Variants in SH3RF2 observed in about 807,000 individuals in gnomAD.
SH3RF2 encodes the protein SH3 domain containing ring finger 2, also known as E3 ubiquitin-protein ligase SH3RF2.
In SH3RF2, 43 loss-of-function variants were observed where a neutral mutation model predicts 59.0. The observed-to-expected ratio is 0.73, with a 90% CI of 0.57 to 0.94. The LOEUF (loss-of-function observed/expected upper bound fraction) is 0.94. SH3RF2 is among the 40% of genes least tolerant of loss of function. The pLI, the probability that SH3RF2 is intolerant of heterozygous loss-of-function variation, is 0.00. For synonymous variants in SH3RF2, 391 were observed against 391.5 expected (o/e 1.00, Z 0.01); for missense variants, 930 against 940.1 (o/e 0.99, Z 0.14).
intron 9 of SH3RF2, among the ~76,000 whole-genome samples, chr5:146,078,215 T>C (rs1763371596): frequency 6.6e-6 from 1 of 152,174 alleles, no homozygotes; most frequent in African/African-American, 2.4e-5. Context: ...TATTAGTCAC[T>C]GAAGGAAAAA....
intron 2 of SH3RF2, among the ~76,000 whole-genome samples, chr5:145,976,377 A>G (rs1242334847): frequency 6.6e-6 from 1 of 151,890 alleles, no homozygotes; most frequent in African/African-American, 2.4e-5. Context: ...CCAGTTCTGG[A>G]CCCACAACAA....
At chr5:145,987,338 C>T (rs1002785936) in intron 2 of SH3RF2, among the ~76,000 whole-genome samples, 9 of 152,122 alleles carry the variant, frequency 5.9e-5, no homozygotes, top group African/African-American at 2.2e-4. Context: ...TTTTATCCCT[C>T]GCACCCTTCC....
intron 5 of SH3RF2, among the ~76,000 whole-genome samples, chr5:146,023,503 C>G (rs1298201484): frequency 6.6e-6 from 1 of 152,238 alleles, no homozygotes; most frequent in African/African-American, 2.4e-5. Context: ...GCCACTGAGG[C>G]TGGCCTCCCC....
At chr5:145,962,556 T>C (rs1463630732) in intron 2 of SH3RF2, among the ~76,000 whole-genome samples, 1 of 152,182 alleles carries the variant, frequency 6.6e-6, no homozygotes, top group Admixed American at 6.5e-5. Flanking sequence ...ATCTTCTCAG[T>C]TGGTCTCTGA....
chr5:145,981,137 C>T (rs1349651935), intron 2 of SH3RF2, among the ~76,000 whole-genome samples: 4 of 152,012 alleles, frequency 2.6e-5, no homozygotes, highest in East Asian at 3.9e-4. Flanking sequence ...CTTTGTCACC[C>T]AGGCTGGAGT....
chr5:146,022,916 C>T (rs1761385698), intron 5 of SH3RF2, among the ~76,000 whole-genome samples: 2 of 82,996 alleles, frequency 2.4e-5, no homozygotes, highest in African/African-American at 3.4e-5. Flanking sequence ...CACACACACA[C>T]ACACACAATT....
At chr5:145,980,000 A>G (rs977500347) in intron 2 of SH3RF2, among the ~76,000 whole-genome samples, 9 of 152,216 alleles carry the variant, frequency 5.9e-5, no homozygotes, top group African/African-American at 1.2e-4. Context: ...CATTAGCCCA[A>G]TGCTCAGCAC....
intron 2 of SH3RF2, among the ~76,000 whole-genome samples, chr5:145,979,082 G>A (rs1759410979): frequency 1.3e-5 from 2 of 152,122 alleles, no homozygotes; most frequent in African/African-American, 4.8e-5. Context: ...TTAAAGTCCT[G>A]GCCCTAAGTA....
intron 9 of SH3RF2, among the ~76,000 whole-genome samples, chr5:146,071,933 G>A (rs766279625): frequency 1.2e-4 from 18 of 152,180 alleles, no homozygotes; most frequent in Non-Finnish European, 2.4e-4. Flanking sequence ...CCATTTATTG[G>A]ATGTAGAGGC....
intron 5 of SH3RF2, 87 bp downstream of exon 5, chr5:146,014,148 C>T (rs1761020808): frequency 7.0e-7 from 1 of 1,418,734 alleles, no homozygotes; most frequent in East Asian, 2.3e-5. Context: ...ATGTTTAGTA[C>T]TTGCTAAGCA....
chr5:145,982,297 T>C (rs1417183667), intron 2 of SH3RF2, among the ~76,000 whole-genome samples: 1 of 152,232 alleles, frequency 6.6e-6, no homozygotes, highest in Non-Finnish European at 1.5e-5. Flanking sequence ...AAGATGCAGG[T>C]GCTCCTGGAG....
chr5:145,944,900 C>T (rs1413186053), intron 2 of SH3RF2, among the ~76,000 whole-genome samples: 1 of 152,036 alleles, frequency 6.6e-6, no homozygotes, highest in African/African-American at 2.4e-5. Flanking sequence ...CTATTGCCAC[C>T]CTCTGCAGTA....
intron 4 of SH3RF2, among the ~76,000 whole-genome samples, chr5:146,010,649 ATG>A (rs1490414868): frequency 1.3e-5 from 2 of 151,996 alleles, no homozygotes; most frequent in African/African-American, 4.8e-5. Context: ...GCATTTTTTC[ATG>A]TGTCTTTTTG....
intron 2 of SH3RF2, among the ~76,000 whole-genome samples, chr5:145,947,091 T>C (rs997759021): frequency 1.5e-4 from 22 of 151,460 alleles, no homozygotes; most frequent in African/African-American, 4.4e-4. Context: ...TCAGAACTTT[T>C]TCATCACCCC....
At chr5:145,995,453 C>T (rs1022766564) in intron 2 of SH3RF2, among the ~76,000 whole-genome samples, 4 of 152,178 alleles carry the variant, frequency 2.6e-5, no homozygotes, top group Non-Finnish European at 5.9e-5. Context: ...GAAACCCATT[C>T]TCATCCAGCT....
intron 7 of SH3RF2, among the ~76,000 whole-genome samples, chr5:146,049,737 C>T (rs530747265): frequency 1.7e-4 from 26 of 152,224 alleles, no homozygotes; most frequent in African/African-American, 6.3e-4. Flanking sequence ...ACCCCTACCT[C>T]TTCCTCCACA....
chr5:146,002,535 A>T (rs7702754), intron 3 of SH3RF2, among the ~76,000 whole-genome samples: 27 of 143,362 alleles, frequency 1.9e-4, no homozygotes, highest in Middle Eastern at 3.6e-3. Context: ...GAAGGAAGGA[A>T]GGATAACCTA....
At chr5:146,068,392 C>T (rs1455797992) in intron 9 of SH3RF2, among the ~76,000 whole-genome samples, 1 of 152,168 alleles carries the variant, frequency 6.6e-6, no homozygotes, top group South Asian at 2.1e-4. Flanking sequence ...CGAGCTGGCA[C>T]GGGGCAGTGC....
intron 9 of SH3RF2, among the ~76,000 whole-genome samples, chr5:146,069,440 C>A (rs1287249531): frequency 6.6e-6 from 1 of 152,100 alleles, no homozygotes; most frequent in Admixed American, 6.5e-5. Flanking sequence ...AGGTAGCCAA[C>A]CATAGAAACC....
Sources: gnomAD v4.1 joint callset for allele counts (sites outside exome capture counted in the v4.1 genomes callset) on GRCh38, gnomAD v4.1.1 for gene constraint, MANE v1.5 for transcripts, NCBI Gene and HGNC (gene_info 2026-07-23, HGNC 2026-07-21) for gene names.